PHF24: variants seen among roughly 807,000 people sequenced by gnomAD.
PHF24 encodes the protein Galpha inhibitory interacting protein.
A neutral mutation model predicts 42.6 loss-of-function variants in PHF24; 25 were observed. The observed-to-expected ratio is 0.59, with a 90% confidence interval of 0.43 to 0.82. The LOEUF is 0.82. Among genes scored for constraint, PHF24 ranks in the 40% least tolerant of loss-of-function variants. PHF24 has a pLI of 0.00. For missense variants in PHF24, 470 were observed against 538.1 expected (o/e 0.87, Z 1.25); for synonymous variants, 185 against 204.8 (o/e 0.90, Z 0.83).
chr9:34,954,240 G>A (rs1184577961), upstream of PHF24, among the ~76,000 whole-genome samples: 2 of 152,200 alleles, frequency 1.3e-5, no homozygotes, highest in Non-Finnish European at 2.9e-5. Flanking sequence ...CAGTGGGTAG[G>A]TCTTTACTTC....
At chr9:34,823,388 C>A in the PHF24 span, among the ~76,000 whole-genome samples, 39 of 152,090 alleles carry the variant, frequency 2.6e-4, no homozygotes, top group Admixed American at 9.8e-4. Flanking sequence ...CTCAAAACAT[C>A]CTGTTGTCCC....
chr9:34,926,627 T>A, the PHF24 span, among the ~76,000 whole-genome samples: 1 of 152,206 alleles, frequency 6.6e-6, no homozygotes, highest in Non-Finnish European at 1.5e-5. This position sits in a 1 kb window ranked among gnomAD's most constrained non-coding sequence, Gnocchi z 4.3. Flanking sequence ...TGTGGGGCTG[T>A]TTTTGGGGCC....
chr9:34,832,710 G>T, the PHF24 span: 2 of 1,545,030 alleles, frequency 1.3e-6, no homozygotes, highest in Non-Finnish European at 1.7e-6. Context: ...TTGAGTATGG[G>T]CTGGCATCAC....
At chr9:34,874,604 A>AT in the PHF24 span, among the ~76,000 whole-genome samples, 1 of 151,950 alleles carries the variant, frequency 6.6e-6, no homozygotes, top group Non-Finnish European at 1.5e-5. Flanking sequence ...AATTCCCCTA[A>AT]TAGGGGGAAT....
chr9:34,817,615 A>G, the PHF24 span, among the ~76,000 whole-genome samples: 4 of 152,250 alleles, frequency 2.6e-5, no homozygotes, highest in Non-Finnish European at 5.9e-5. Context: ...CAAGTTCTTT[A>G]TCAGACACGT....
the PHF24 span, among the ~76,000 whole-genome samples, chr9:34,900,865 A>G: frequency 3.9e-5 from 6 of 152,294 alleles, no homozygotes; most frequent in Middle Eastern, 3.4e-3. Flanking sequence ...CACAGCAAGG[A>G]AGCCCTCATC....
chr9:34,913,178 C>T, the PHF24 span, among the ~76,000 whole-genome samples: 8 of 151,820 alleles, frequency 5.3e-5, no homozygotes, highest in Non-Finnish European at 1.2e-4. Context: ...AAGATGAGTA[C>T]AATCATGAGG....
At chr9:34,958,234 GCCGCC>G, upstream of PHF24, 1 of 145,588 alleles carries the variant, frequency 6.9e-6, no homozygotes, top group Non-Finnish European at 1.4e-5. This position sits in a 1 kb window ranked among gnomAD's most constrained non-coding sequence, Gnocchi z 4.5. Flanking sequence ...GCGCGCCGCC[GCCGCC>G]GCCGCCGCCG....
chr9:34,838,569 A>T, the PHF24 span: 1 of 946,594 alleles, frequency 1.1e-6, no homozygotes. Flanking sequence ...AATGACTCCC[A>T]GTGCTAGGCC....
chr9:34,941,569 C>A, the PHF24 span, among the ~76,000 whole-genome samples: 1 of 152,230 alleles, frequency 6.6e-6, no homozygotes, highest in East Asian at 1.9e-4. Context: ...GCTGCTATAG[C>A]AAAATATCAT....
At chr9:34,714,657 C>A in the PHF24 span, among the ~76,000 whole-genome samples, 1 of 152,188 alleles carries the variant, frequency 6.6e-6, no homozygotes, top group Non-Finnish European at 1.5e-5. Context: ...TAGATTGACA[C>A]AGAGCCGGTG....
chr9:34,891,749 C>A, the PHF24 span, among the ~76,000 whole-genome samples: 1 of 152,144 alleles, frequency 6.6e-6, no homozygotes, highest in Non-Finnish European at 1.5e-5. Context: ...TGTCCTGGAT[C>A]TAGTGGGAAA....
At chr9:34,931,626 C>G in the PHF24 span, among the ~76,000 whole-genome samples, 2 of 152,082 alleles carry the variant, frequency 1.3e-5, no homozygotes, top group African/African-American at 4.8e-5. Context: ...GGCCCCTCCC[C>G]CTTCTTTCCC....
At chr9:34,974,342 C>A (rs888758058) in intron 3 of PHF24, among the ~76,000 whole-genome samples, 4 of 152,216 alleles carry the variant, frequency 2.6e-5, no homozygotes, top group Non-Finnish European at 5.9e-5. Flanking sequence ...CTTACTTGAT[C>A]TCTCTGAAGT....
the PHF24 span, among the ~76,000 whole-genome samples, chr9:34,793,558 A>T: frequency 5.9e-5 from 9 of 152,330 alleles, no homozygotes; most frequent in East Asian, 1.9e-4. Flanking sequence ...CAAGTTCAAT[A>T]GACCACTGAA....
chr9:34,848,691 T>G, the PHF24 span, among the ~76,000 whole-genome samples: 11 of 151,830 alleles, frequency 7.2e-5, no homozygotes, highest in African/African-American at 2.7e-4. Context: ...AATTGTGATA[T>G]TAGGGTGTCC....
the PHF24 span, among the ~76,000 whole-genome samples, chr9:34,845,572 C>T: frequency 6.6e-6 from 1 of 151,942 alleles, no homozygotes; most frequent in Admixed American, 6.6e-5. Flanking sequence ...TAGCTGATAA[C>T]AAGTTAACTT....
At chr9:34,936,816 G>A in the PHF24 span, among the ~76,000 whole-genome samples, 1 of 151,252 alleles carries the variant, frequency 6.6e-6, no homozygotes, top group Non-Finnish European at 1.5e-5. Flanking sequence ...TGAGAAGTGA[G>A]GAGACCCTCT....
chr9:34,925,259 C>T, the PHF24 span, among the ~76,000 whole-genome samples: 1 of 152,128 alleles, frequency 6.6e-6, no homozygotes, highest in African/African-American at 2.4e-5. Flanking sequence ...TGTGACTTGA[C>T]ATTTTTTATT....
Sources: allele counts gnomAD v4.1 joint callset (sites outside exome capture counted in the v4.1 genomes callset), GRCh38; gene constraint gnomAD v4.1.1; non-coding constraint Gnocchi (gnomAD v3.1); transcripts MANE v1.5; gene names NCBI Gene and HGNC (gene_info 2026-07-23, HGNC 2026-07-21).